Variants in CPS1 observed in about 807,000 individuals in gnomAD.
CPS1 encodes the protein carbamoyl-phosphate synthase [ammonia], mitochondrial.
A neutral mutation model predicts 174.6 loss-of-function variants in CPS1; 109 were observed. That is an observed-to-expected ratio of 0.62 (90% CI 0.53 to 0.73). CPS1 has a LOEUF of 0.73. Ranked by LOEUF, CPS1 falls within the 30% of genes least tolerant of loss-of-function variation. The pLI, the probability that CPS1 is intolerant of heterozygous loss-of-function variation, is 0.00. For missense variants in CPS1, 1,689 were observed against 1,821.9 expected (o/e 0.93, Z 1.33); for synonymous variants, 637 against 632.0 (o/e 1.01, Z -0.12).
rs562882459 is a variant in CPS1 at position 210,506,233 on chromosome 2, C to T, written c.3+28467C>T. Among the ~76,000 whole-genome samples, 7 of 152,196 alleles carry T rather than the reference C, an allele frequency of 4.6e-5. No homozygotes were observed. In the East Asian group the frequency reaches 5.8e-4, roughly 13 times the overall value. ...GCAACATTTGCTGTTCGCCAATATC[C>T]GCTGTTCTGCAGCCTCCGCTTCTGA... On this transcript the variant is annotated intron_variant, in intron 1 of 38. Coordinates refer to the CPS1 transcript ENST00000430249.
rs80182775 is a variant in CPS1, at chr2:210,565,456, G to A, written c.127-7842G>A. On this transcript the variant is annotated intron_variant, in intron 1 of 37. Coordinates refer to ENST00000233072, the MANE Select transcript of CPS1 (RefSeq NM_001875.5). ...GGCATTTTTCTTGATATCCATATTAGCTACAATCCTTGGCCTATTTCTTTG... is the reference window on the plus strand; with the variant it reads ...GGCATTTTTCTTGATATCCATATTAACTACAATCCTTGGCCTATTTCTTTG... Among the ~76,000 whole-genome samples the A allele has an allele frequency of 2.3e-3, 344 of 152,102 alleles. 3 individuals carry two copies. The highest frequency in any genetic ancestry group is 8.0e-3 in the African/African-American group (330 of 41,484).
intron 21 of CPS1, among the ~76,000 whole-genome samples, chr2:210,629,445 G>GCT (rs2105885144): frequency 6.6e-6 from 1 of 152,038 alleles, no homozygotes; most frequent in South Asian, 2.1e-4. Context: ...CTCCCGAGTA[G>GCT]CTCGGACTAC....
chr2:210,598,839 A>G (rs527888658), intron 13 of CPS1, among the ~76,000 whole-genome samples: 1 of 151,946 alleles, frequency 6.6e-6, no homozygotes, highest in South Asian at 2.1e-4. Context: ...TTCAGGACCT[A>G]AACTTGACAT....
intron 21 of CPS1, among the ~76,000 whole-genome samples, chr2:210,629,557 CG>C (rs1699800409): frequency 1.3e-5 from 2 of 151,286 alleles, no homozygotes; most frequent in Non-Finnish European, 3.0e-5. Context: ...CCTCGTGATC[CG>C]CCCGCCTCGG....
At chr2:210,547,789 A>G (rs1696602889) in intron 1 of CPS1, among the ~76,000 whole-genome samples, 2 of 151,994 alleles carry the variant, frequency 1.3e-5, no homozygotes, top group Admixed American at 6.6e-5. Context: ...TACCTGGAAA[A>G]TGTGCAATTC....
rs1170715002 is a variant in CPS1, at chr2:210,678,120, TTC to T, written c.*137_*138del. On this transcript the variant is annotated 3_prime_UTR_variant, in exon 38 of 38. Coordinates refer to ENST00000233072, the MANE Select transcript of CPS1 (RefSeq NM_001875.5). ...CAGTTTACTTTGTTATGCCTTAATATTCTGTGTCTTTTGCAATTAAATTGTCA... is the reference window on the plus strand; with the variant it reads ...CAGTTTACTTTGTTATGCCTTAATATTGTGTCTTTTGCAATTAAATTGTCA... The T allele has an allele frequency of 1.3e-5, 10 of 777,494 alleles. No homozygotes were observed. Among genetic ancestry groups the T allele is most frequent in the Middle Eastern group, 2.3e-4 (1 of 4,440 alleles). The allele number at this position is 777,494 out of a possible 1,614,324, so 48.2% of individuals were successfully genotyped here.
At chr2:210,612,329 CT>C in intron 20 of CPS1, 36 bp downstream of exon 20, 1 of 1,607,892 alleles carries the variant, frequency 6.2e-7, no homozygotes. Flanking sequence ...CTACTAGTTG[CT>C]TTTCCAGAAT....
chr2:210,599,333 A>T, intron 13 of CPS1, 39 bp from the exon 14 acceptor site: 1 of 1,582,964 alleles, frequency 6.3e-7, no homozygotes, highest in South Asian at 1.1e-5. Flanking sequence ...TCTTCTTTAG[A>T]CCATATATTC....
intron 3 of CPS1, 68 bp downstream of exon 3, chr2:210,576,558 T>C (rs1697719837): frequency 1.3e-6 from 2 of 1,574,626 alleles, no homozygotes; most frequent in Non-Finnish European, 1.7e-6. Context: ...TTCTTAAGAA[T>C]TAGGATGGCC....
At chr2:210,629,568 G>A (rs908449834) in intron 21 of CPS1, among the ~76,000 whole-genome samples, 6 of 151,664 alleles carry the variant, frequency 4.0e-5, no homozygotes, top group African/African-American at 1.5e-4. Flanking sequence ...GCCCGCCTCG[G>A]CCTCTCAAAG....
intron 1 of CPS1, among the ~76,000 whole-genome samples, chr2:210,488,126 C>CT (rs2105947917): frequency 6.6e-6 from 1 of 151,614 alleles, no homozygotes; most frequent in African/African-American, 2.4e-5. Context: ...AACTGATTTG[C>CT]TCTACCACCT....
chr2:210,555,684 T>A (rs1184293421), upstream of CPS1: 1 of 455,446 alleles, frequency 2.2e-6, no homozygotes, highest in Non-Finnish European at 4.4e-6. Context: ...TTCCTTGGCC[T>A]TCTTTGCAAG....
chr2:210,483,959 G>A (rs1284819566), intron 1 of CPS1, among the ~76,000 whole-genome samples: 3 of 152,214 alleles, frequency 2.0e-5, no homozygotes, highest in Non-Finnish European at 4.4e-5. Context: ...GTTGCAAAGT[G>A]TCTATGGAGT....
chr2:210,668,664 T>C (rs928429281), intron 34 of CPS1, among the ~76,000 whole-genome samples: 8 of 152,154 alleles, frequency 5.3e-5, no homozygotes, highest in African/African-American at 1.9e-4. Context: ...TCACTTCCTC[T>C]GTTTCTCTTG....
chr2:210,521,228 C>T (rs948433651), intron 1 of CPS1, among the ~76,000 whole-genome samples: 18 of 151,928 alleles, frequency 1.2e-4, no homozygotes, highest in African/African-American at 4.3e-4. Context: ...GTTACAGAAT[C>T]CTAGATTGAC....
Position 210,669,396 on chromosome 2 carries a change from T to A in CPS1, c.4101+1112T>A, listed in dbSNP as rs955871914. On this transcript the variant is annotated intron_variant, in intron 34 of 37. Transcript: ENST00000233072. ...AAAAACAACAAATGGTCTTATATAA[T>A]ATCCCTGCTGTGCTTTTAATAAGCT... Among the ~76,000 whole-genome samples, 6 of 152,230 alleles carry A rather than the reference T, an allele frequency of 3.9e-5. No individual in the cohort carries two copies. The East Asian group carries it at 1.2e-3, about 29-fold the overall frequency.
At chr2:210,646,554 A>G (rs1387909094) in intron 25 of CPS1, among the ~76,000 whole-genome samples, 1 of 152,162 alleles carries the variant, frequency 6.6e-6, no homozygotes, top group Non-Finnish European at 1.5e-5. Flanking sequence ...CATATCTATC[A>G]TTTTGGCAGT....
intron 1 of CPS1, among the ~76,000 whole-genome samples, chr2:210,527,623 C>T (rs1422819960): frequency 1.3e-5 from 2 of 151,826 alleles, no homozygotes; most frequent in Admixed American, 1.3e-4. Context: ...TTCTGAGTGC[C>T]TTAATAGAAC....
chr2:210,590,012 T>G (rs934934371), intron 7 of CPS1, 94 bp from the exon 8 acceptor site: 122 of 1,532,990 alleles, frequency 8.0e-5, no homozygotes, highest in Middle Eastern at 3.6e-4. Context: ...TTCCTTCCCT[T>G]TAAGGAATGG....
Sources: gnomAD v4.1 joint callset for allele counts (sites outside exome capture counted in the v4.1 genomes callset) on GRCh38, gnomAD v4.1.1 for gene constraint, MANE v1.5 for transcripts, NCBI Gene and HGNC (gene_info 2026-07-23, HGNC 2026-07-21) for gene names.